The following NR3C2 variants were observed in gnomAD, a reference collection of about 807,000 sequenced individuals.
NR3C2 encodes nuclear receptor subfamily 3 group C member 2.
In NR3C2, 15 loss-of-function variants were observed where a neutral mutation model predicts 86.4. The ratio of observed to expected loss-of-function variants is 0.17; its 90% CI spans 0.12 to 0.27. The LOEUF (loss-of-function observed/expected upper bound fraction) is 0.27, where lower values mean the gene tolerates loss of function less well. Among genes scored for constraint, NR3C2 ranks in the 10% least tolerant of loss-of-function variants. The pLI, the probability that NR3C2 is intolerant of heterozygous loss-of-function variation, is 1.00. For missense variants in NR3C2, 960 were observed against 1,195.6 expected (o/e 0.80, Z 2.91); for synonymous variants, 458 against 450.5 (o/e 1.02, Z -0.21).
intron 2 of NR3C2, among the ~76,000 whole-genome samples, chr4:148,333,670 A>G (rs1350867062): frequency 6.6e-6 from 1 of 151,836 alleles, no homozygotes; most frequent in African/African-American, 2.4e-5. Context: ...TTTTTTTTGT[A>G]TCTATAACTG....
At chr4:148,110,480 G>A (rs1732002033) in intron 8 of NR3C2, among the ~76,000 whole-genome samples, 1 of 152,188 alleles carries the variant, frequency 6.6e-6, no homozygotes, top group African/African-American at 2.4e-5. Context: ...AGCGCATTGT[G>A]TAGTTCTTTG....
chr4:148,258,753 G>A (rs955373526), intron 3 of NR3C2, among the ~76,000 whole-genome samples: 2 of 152,204 alleles, frequency 1.3e-5, no homozygotes, highest in South Asian at 2.1e-4. Flanking sequence ...GAGTTCTAAC[G>A]ACCTGGCTTA....
intron 3 of NR3C2, among the ~76,000 whole-genome samples, chr4:148,213,610 A>T (rs1579020522): frequency 6.6e-6 from 1 of 152,202 alleles, no homozygotes; most frequent in East Asian, 1.9e-4. Flanking sequence ...AAGTCAATAC[A>T]ATCTAATAGT....
chr4:148,297,113 C>T lies in NR3C2; in HGVS notation c.1758-36996G>A, dbSNP rs1182995087. 2.0e-5 allele frequency among the ~76,000 whole-genome samples: 3 copies of T among 152,080 alleles called. No homozygotes were observed. In the South Asian group the frequency reaches 6.2e-4, roughly 32 times the overall value. On this transcript the variant is annotated intron_variant, in intron 2 of 8. Coordinates refer to ENST00000358102, the MANE Select transcript of NR3C2 (RefSeq NM_000901.5). ...ATGATCTTTCCATGAACACAGAAAG[C>T]CCTACAGGACTGTGCTGCTAGACAA...
chr4:148,382,552 G>A (rs561506266), intron 2 of NR3C2, among the ~76,000 whole-genome samples: 3 of 152,208 alleles, frequency 2.0e-5, no homozygotes, highest in Admixed American at 6.5e-5. Flanking sequence ...GTAACTCAGT[G>A]GGAGTTATGA....
chr4:148,157,574 G>T (rs918922197), intron 4 of NR3C2, among the ~76,000 whole-genome samples: 2 of 152,014 alleles, frequency 1.3e-5, no homozygotes, highest in African/African-American at 4.8e-5. Flanking sequence ...AGGTTGGGAG[G>T]TAGATGGGTA....
In NR3C2 at chr4:148,181,469, C is replaced by T. The variant is rs183280473; in HGVS notation, c.2014+13277G>A. On this transcript the variant is annotated intron_variant, in intron 4 of 8. Coordinates refer to ENST00000358102, the MANE Select transcript of NR3C2 (RefSeq NM_000901.5). ...ATTCTATGGCCAGGGGGCAGTCAAGCTAGAAACCCTTCAAAGGACTCATTC... is the reference window on the plus strand; with the variant it reads ...ATTCTATGGCCAGGGGGCAGTCAAGTTAGAAACCCTTCAAAGGACTCATTC... Among the ~76,000 whole-genome samples, 270 of 152,280 alleles carry T rather than the reference C, an allele frequency of 1.8e-3. 2 individuals are homozygous for T. Among genetic ancestry groups the T allele is most frequent in the Middle Eastern group, 6.8e-3 (2 of 294 alleles).
chr4:148,404,053 G>C (rs2126541866), intron 2 of NR3C2, among the ~76,000 whole-genome samples: 1 of 152,124 alleles, frequency 6.6e-6, no homozygotes, highest in African/African-American at 2.4e-5. Context: ...CTCAGACAGA[G>C]AATCAAGTCA....
intron 3 of NR3C2, among the ~76,000 whole-genome samples, chr4:148,238,357 T>C (rs1233367227): frequency 1.3e-5 from 2 of 152,166 alleles, no homozygotes; most frequent in Non-Finnish European, 2.9e-5. Context: ...TTATTAGTCA[T>C]GCTGGCAACA....
intron 3 of NR3C2, among the ~76,000 whole-genome samples, chr4:148,245,942 A>AT (rs1739293834): frequency 6.6e-6 from 1 of 152,176 alleles, no homozygotes; most frequent in Admixed American, 6.5e-5. Context: ...TTATCTTATG[A>AT]TTTACTTGTG....
At chr4:148,170,017 G>A (rs1735052116) in intron 4 of NR3C2, among the ~76,000 whole-genome samples, 1 of 152,006 alleles carries the variant, frequency 6.6e-6, no homozygotes, top group Admixed American at 6.5e-5. Context: ...GGGAGGGAAA[G>A]GACAGATATT....
intron 2 of NR3C2, among the ~76,000 whole-genome samples, chr4:148,306,183 G>C (rs978702743): frequency 6.6e-6 from 1 of 152,178 alleles, no homozygotes; most frequent in Admixed American, 6.5e-5. Context: ...TTTCAAAAAA[G>C]AAATGGAAAT....
intron 3 of NR3C2, among the ~76,000 whole-genome samples, chr4:148,245,653 C>T (rs1014323206): frequency 1.4e-4 from 22 of 152,114 alleles, no homozygotes; most frequent in Admixed American, 7.2e-4. Flanking sequence ...CTGATGACAA[C>T]CCAGTACATC....
At chr4:148,356,357 T>A (rs72656856) in intron 2 of NR3C2, among the ~76,000 whole-genome samples, 83 of 152,324 alleles carry the variant, frequency 5.4e-4, no homozygotes, top group African/African-American at 1.9e-3. Flanking sequence ...TACATGCACA[T>A]TATATAAATT....
intron 2 of NR3C2, among the ~76,000 whole-genome samples, chr4:148,410,757 G>A (rs1748660108): frequency 6.6e-6 from 1 of 152,158 alleles, no homozygotes; most frequent in East Asian, 1.9e-4. Context: ...GTGAGTATTT[G>A]TATACTGGCC....
At chr4:148,142,524 T>C (rs1462187362) in intron 6 of NR3C2, among the ~76,000 whole-genome samples, 20 of 152,126 alleles carry the variant, frequency 1.3e-4, no homozygotes, top group Non-Finnish European at 2.9e-5. Context: ...GGGCCTCGTT[T>C]TGCTCTGTCA....
intron 8 of NR3C2, among the ~76,000 whole-genome samples, chr4:148,089,017 CACAAAATAACTCTATAGTTTAATAG>C (rs1287869124): frequency 6.6e-6 from 1 of 152,066 alleles, no homozygotes; most frequent in East Asian, 1.9e-4. Flanking sequence ...TGTCACCTGC[CACAAAATAACTCTATAGTTTAATAG>C]TCTGGTGAAC....
intron 1 of NR3C2, among the ~76,000 whole-genome samples, chr4:148,440,619 C>T (rs963622115): frequency 2.0e-5 from 3 of 152,180 alleles, no homozygotes; most frequent in African/African-American, 4.8e-5. Context: ...AAATGGGCCT[C>T]GCCCCAAAAC....
chr4:148,097,787 T>C (rs1731358672), intron 8 of NR3C2, among the ~76,000 whole-genome samples: 1 of 146,492 alleles, frequency 6.8e-6, no homozygotes, highest in East Asian at 2.0e-4. Flanking sequence ...CAGCTGTCGC[T>C]AGTGTTAGTG....
Sources: gnomAD v4.1 joint callset for allele counts (sites outside exome capture counted in the v4.1 genomes callset) on GRCh38, gnomAD v4.1.1 for gene constraint, MANE v1.5 for transcripts, NCBI Gene and HGNC (gene_info 2026-07-23, HGNC 2026-07-21) for gene names.